RTF2: variants seen among roughly 807,000 people sequenced by gnomAD.
RTF2 encodes replication termination factor 2.
Under a neutral mutation model 38.0 loss-of-function variants are expected in RTF2, and 18 were observed. The observed-to-expected ratio is 0.47, with a 90% CI of 0.33 to 0.70. RTF2 has a LOEUF of 0.70. Among genes scored for constraint, RTF2 ranks in the 30% least tolerant of loss-of-function variants. The pLI, the probability that RTF2 is intolerant of heterozygous loss-of-function variation, is 0.02. For missense variants in RTF2, 311 were observed against 379.6 expected, an observed-to-expected ratio of 0.82 and a Z score of 1.50; for synonymous variants, 126 against 137.1, an observed-to-expected ratio of 0.92 and a Z score of 0.57.
intron 5 of RTF2, chr20:56,495,420 G>A: frequency 1.3e-6 from 1 of 763,386 alleles, no homozygotes. Flanking sequence ...AAAGTAGAGG[G>A]GAAAGTCCAA....
intron 6 of RTF2, chr20:56,516,289 TAAATC>T (rs1246707539): frequency 6.6e-6 from 1 of 152,232 alleles, no homozygotes; most frequent in African/African-American, 2.4e-5. Context: ...TTTCTGCGAT[TAAATC>T]AATTCCAACG....
At chr20:56,513,885 T>G (rs922098377) in intron 6 of RTF2, 1 of 162,974 alleles carries the variant, frequency 6.1e-6, no homozygotes, top group African/African-American at 2.4e-5. Flanking sequence ...CCCAGCAAAA[T>G]GTAAGGCTCC....
At chr20:56,506,853 A>G (rs994615679) in intron 5 of RTF2, among the ~76,000 whole-genome samples, 3 of 151,670 alleles carry the variant, frequency 2.0e-5, no homozygotes, top group African/African-American at 7.3e-5. Context: ...GGCGCCCACC[A>G]CCATGCCCGA....
At chr20:56,485,649 A>G (rs999635162) in intron 5 of RTF2, among the ~76,000 whole-genome samples, 6 of 152,228 alleles carry the variant, frequency 3.9e-5, no homozygotes, top group African/African-American at 1.4e-4. Context: ...TAAAGCCTTC[A>G]TAGAATGAGG....
chr20:56,509,622 A>G (rs1001134198), intron 5 of RTF2, among the ~76,000 whole-genome samples: 2 of 151,888 alleles, frequency 1.3e-5, no homozygotes, highest in East Asian at 3.9e-4. Context: ...AAAAAAAAAA[A>G]AAAAAGAAAA....
chr20:56,519,188 A>G lies in RTF2; in HGVS notation c.*923A>G, dbSNP rs1013468283. 1 of 152,248 alleles carries G rather than the reference A, an allele frequency of 6.6e-6. No homozygotes were observed. Among genetic ancestry groups the G allele is most frequent in the Admixed American group, 6.5e-5 (1 of 15,272 alleles). 9.4% of individuals were successfully genotyped at this position (152,248 alleles called of 1,614,324 possible). A position where few individuals can be genotyped will look rare whatever the true frequency, so the allele number is the denominator to read the frequency against. ...ACTGAGATAGTGACTGGTTCTCTAT[A>G]CAGACCCCGGGGCCCTGGGTTTCCT... On this transcript the variant is annotated 3_prime_UTR_variant, in exon 9 of 9. Transcript: ENST00000357348.
chr20:56,499,194 C>CTTTTTTTTT (rs774875921), intron 5 of RTF2, among the ~76,000 whole-genome samples: 4 of 133,038 alleles, frequency 3.0e-5, no homozygotes, highest in Non-Finnish European at 4.8e-5. Context: ...TAATACTTAT[C>CTTTTTTTTT]TTTTTTTTTT....
At chr20:56,469,421 T>C (rs1348109180) in intron 1 of RTF2, among the ~76,000 whole-genome samples, 1 of 152,258 alleles carries the variant, frequency 6.6e-6, no homozygotes, top group Non-Finnish European at 1.5e-5. Context: ...GAAATTATAA[T>C]AATTTCTTTG....
At chr20:56,495,034 TAA>T (rs1600813302) in intron 5 of RTF2, among the ~76,000 whole-genome samples, 1 of 152,232 alleles carries the variant, frequency 6.6e-6, no homozygotes, top group African/African-American at 2.4e-5. Context: ...GAATCTTATA[TAA>T]AAAGTTTTTT....
chr20:56,470,603 A>G (rs1372417548), intron 1 of RTF2: 3 of 455,922 alleles, frequency 6.6e-6, no homozygotes, highest in Admixed American at 4.7e-5. Context: ...TAATAAGGCA[A>G]TTATTGGTGG....
At chr20:56,501,172 T>A (rs530558963) in intron 5 of RTF2, among the ~76,000 whole-genome samples, 14 of 151,898 alleles carry the variant, frequency 9.2e-5, no homozygotes, top group Admixed American at 7.2e-4. Flanking sequence ...AATATGAAAA[T>A]TCCTGGAGGA....
intron 5 of RTF2, chr20:56,491,560 G>A: frequency 6.5e-7 from 1 of 1,536,710 alleles, no homozygotes; most frequent in Non-Finnish European, 8.8e-7. Flanking sequence ...ACACTCCCTA[G>A]CGGTTCAGTC....
chr20:56,468,721 C>T lies in RTF2; in HGVS notation c.24C>T (p.Ile8=). ...CGATGGGTTGCGACGGGGGAACAAT[C>T]CCCAAGAGGCATGAACTGGTGAAGG... The part of the protein sequence containing the change: MGCDGGT[I]PKRHELVKGP... The change falls in exon 1 of 9, where the codon ATC becomes ATT. Residue 8 remains isoleucine, a synonymous_variant. Coordinates refer to ENST00000357348, the MANE Select transcript of RTF2 (RefSeq NM_016407.5). The T allele has an allele frequency of 3.8e-6, 6 of 1,589,088 alleles. No homozygotes were observed. The highest frequency in any genetic ancestry group is 5.1e-6 in the Non-Finnish European group (6 of 1,167,888).
intron 6 of RTF2, chr20:56,516,198 G>C (rs1985034055): frequency 1.3e-5 from 2 of 152,194 alleles, no homozygotes; most frequent in Non-Finnish European, 2.9e-5. Context: ...TAATCAGGCT[G>C]CCTATTTTTA....
intron 5 of RTF2, among the ~76,000 whole-genome samples, chr20:56,490,739 C>T (rs1413596445): frequency 6.6e-6 from 1 of 152,226 alleles, no homozygotes; most frequent in Non-Finnish European, 1.5e-5. Flanking sequence ...ATGGCTTGAA[C>T]CTGGGAGGCA....
At chr20:56,494,961 G>T (rs1048958884) in intron 5 of RTF2, among the ~76,000 whole-genome samples, 1 of 152,134 alleles carries the variant, frequency 6.6e-6, no homozygotes, top group Non-Finnish European at 1.5e-5. Flanking sequence ...GGTGCAGAGG[G>T]TATATTTACT....
chr20:56,495,325 G>A (rs1166902368), intron 5 of RTF2: 2 of 1,490,070 alleles, frequency 1.3e-6, no homozygotes, highest in Admixed American at 2.0e-5. Context: ...CCAGCATTCA[G>A]TGTGGAATCT....
chr20:56,491,795 AAC>A, intron 5 of RTF2: 1 of 1,542,138 alleles, frequency 6.5e-7, no homozygotes, highest in Non-Finnish European at 8.8e-7. Flanking sequence ...TGCAGAAAGA[AAC>A]ACAAAAACCT....
At chr20:56,511,674 A>G (rs999060054) in intron 5 of RTF2, among the ~76,000 whole-genome samples, 3 of 152,042 alleles carry the variant, frequency 2.0e-5, no homozygotes, top group Admixed American at 6.6e-5. Flanking sequence ...TGCTTGCTGC[A>G]TCCCTGGCCT....
Sources: allele counts gnomAD v4.1 joint callset (sites outside exome capture counted in the v4.1 genomes callset), GRCh38; gene constraint gnomAD v4.1.1; transcripts MANE v1.5; gene names NCBI Gene and HGNC (gene_info 2026-07-23, HGNC 2026-07-21).